The following ANGPT4 variants were observed in gnomAD, a reference collection of about 807,000 sequenced individuals.
The protein encoded by ANGPT4 is angiopoietin 4, also known as angiopoietin-4.
Under a neutral mutation model 53.0 loss-of-function variants are expected in ANGPT4, and 50 were observed. The ratio of observed to expected loss-of-function variants is 0.94; its 90% CI spans 0.75 to 1.20. The LOEUF is 1.20. Ranked by LOEUF, ANGPT4 falls within the 50% of genes most tolerant of loss-of-function variation. The probability of loss-of-function intolerance (pLI) is 0.00; values close to 1 mark genes in which losing one functional copy is unlikely to be tolerated. For missense variants in ANGPT4, 648 were observed against 637.1 expected, an observed-to-expected ratio of 1.02 and a Z score of -0.18; for synonymous variants, 251 against 259.7, an observed-to-expected ratio of 0.97 and a Z score of 0.32.
chr20:885,046 T>C, intron 4 of ANGPT4, 32 bp downstream of exon 4: 1 of 1,612,546 alleles, frequency 6.2e-7, no homozygotes. Context: ...TGCCCGTCTT[T>C]AGCCACACTG....
In ANGPT4 at chr20:911,820, G is replaced by A. The variant is rs187323718; in HGVS notation, c.309+4086C>T. On this transcript the variant is annotated intron_variant, in intron 1 of 8. Transcript: ENST00000381922. This position sits in a 1 kb window ranked among gnomAD's most constrained non-coding sequence, Gnocchi z 4.9. ...AGAGAGTCAGACCTTGTCTTTAGGA[G>A]AGAGACAGAGAGAGGGAGAGAGGGA... Among the ~76,000 whole-genome samples the A allele has an allele frequency of 5.1e-4, 77 of 152,022 alleles. No individual in the cohort carries two copies. Among genetic ancestry groups the A allele is most frequent in the Admixed American group, 4.8e-3 (74 of 15,272 alleles).
In ANGPT4 at chr20:881,220, G is replaced by A; in HGVS notation, c.902C>T (p.Ala301Val). 1 of 1,612,802 alleles carries A rather than the reference G, an allele frequency of 6.2e-7. No individual in the cohort carries two copies. The highest frequency in any genetic ancestry group is 8.5e-7 in the Non-Finnish European group (1 of 1,179,290). Residue 301 changes from alanine (A) to valine (V), a missense_variant, in exon 5 of 9, where the codon GCC becomes GTC. By Grantham distance (64) the Ala-to-Val change is moderately conservative. Transcript: ENST00000381922. The part of the protein sequence containing the change: ...CAEIQRSGAS[A>V]SGVYTIQVSN... ...CACCTGGATGGTGTAGACACCACTGGCACTGGCCCCAGAGCGCTGGATCTC... is the reference window on the plus strand; with the variant it reads ...CACCTGGATGGTGTAGACACCACTGACACTGGCCCCAGAGCGCTGGATCTC...
Position 916,189 on chromosome 20 carries a change from T to C in ANGPT4, c.26A>G (p.Gln9Arg), listed in dbSNP as rs1398528316. ...GGCAACCACAAGGAGGAGGCTGCCCTGCAGCATGGCTAGCTGGGAGAGCAT... is the reference window on the plus strand; with the variant it reads ...GGCAACCACAAGGAGGAGGCTGCCCCGCAGCATGGCTAGCTGGGAGAGCAT... MLSQLAML[Q>R]GSLLLVVATM... Residue 9 changes from glutamine to arginine, a missense_variant, in exon 1 of 9, where the codon CAG becomes CGG. Transcript: ENST00000381922. The C allele has an allele frequency of 6.2e-7, 1 of 1,613,472 alleles. No individual in the cohort carries two copies. The highest frequency in any genetic ancestry group is 8.5e-7 in the Non-Finnish European group (1 of 1,179,572).
intron 1 of ANGPT4, among the ~76,000 whole-genome samples, chr20:899,141 A>G (rs1034433373): frequency 1.3e-5 from 2 of 152,134 alleles, no homozygotes; most frequent in African/African-American, 4.8e-5. Context: ...ACTCCACATT[A>G]CCTACTTTTC....
chr20:885,102 C>G lies in ANGPT4; in HGVS notation c.811G>C (p.Glu271Gln), dbSNP rs1426019461. ...LLVLLRHLVQ[E>Q]RANASAPAFI... ...CCCGGGGCCGAGGCGTTAGCCCTTT[C>G]TTGCACCAGGTGCCGCAACAACACC... Residue 271 changes from glutamate to glutamine, a missense_variant, in exon 4 of 9, where the codon GAA becomes CAA. Physicochemically the swap from Glu to Gln is conservative, Grantham distance 29. Coordinates refer to ENST00000381922, the MANE Select transcript of ANGPT4 (RefSeq NM_015985.4). 1 of 1,613,586 alleles carries G rather than the reference C, an allele frequency of 6.2e-7. No homozygotes were observed. The highest frequency in any genetic ancestry group is 8.5e-7 in the Non-Finnish European group (1 of 1,179,914).
intron 1 of ANGPT4, among the ~76,000 whole-genome samples, chr20:905,152 A>C (rs951947895): frequency 6.6e-6 from 1 of 151,990 alleles, no homozygotes; most frequent in Non-Finnish European, 1.5e-5. Flanking sequence ...GCATTCCCTG[A>C]CCACCCCCAC....
chr20:911,731 C>T lies in ANGPT4; in HGVS notation c.309+4175G>A, dbSNP rs1316803137. 1.3e-5 allele frequency among the ~76,000 whole-genome samples: 2 copies of T among 152,090 alleles called. No homozygotes were observed. The highest frequency in any genetic ancestry group is 2.9e-5 in the Non-Finnish European group (2 of 68,010). ...TTGGAAGACTGAGGCGGGAGGATCG[C>T]TTGAGCTCAGGAGTTCAAGGCTGCA... On this transcript the variant is annotated intron_variant, in intron 1 of 8. Transcript: ENST00000381922. The surrounding 1 kb of genome is among the most constrained non-coding windows in gnomAD (Gnocchi z 4.9).
chr20:901,658 A>C (rs1236626213), intron 1 of ANGPT4, among the ~76,000 whole-genome samples: 1 of 152,230 alleles, frequency 6.6e-6, no homozygotes, highest in Non-Finnish European at 1.5e-5. Context: ...CACACCTGTA[A>C]TCCCATGACT....
rs1409106001 is a variant in ANGPT4, at chr20:869,961, G to A, written c.*2999C>T. Reference sequence around the variant, plus strand: ...AGACGAGGGAGCTCCCCGGGTCAGGGATGCTGAGCTGGGAGGACATGAGCC... The same window carrying A: ...AGACGAGGGAGCTCCCCGGGTCAGGAATGCTGAGCTGGGAGGACATGAGCC... On this transcript the variant is annotated 3_prime_UTR_variant, in exon 9 of 9. Coordinates refer to ENST00000381922, the MANE Select transcript of ANGPT4 (RefSeq NM_015985.4). The A allele has an allele frequency of 6.6e-6, 1 of 152,348 alleles. No individual in the cohort carries two copies. Among genetic ancestry groups the A allele is most frequent in the Non-Finnish European group, 1.5e-5 (1 of 68,142 alleles). 9.4% of individuals were successfully genotyped at this position (152,348 alleles called of 1,614,324 possible).
intron 4 of ANGPT4, among the ~76,000 whole-genome samples, chr20:884,065 T>A (rs530639934): frequency 6.6e-6 from 1 of 152,160 alleles, no homozygotes; most frequent in African/African-American, 2.4e-5. Context: ...CCTTCCACTA[T>A]GGATCCAGGA....
rs541775009 is a variant in ANGPT4, at chr20:872,949, A to G, written c.*11T>C. ...TCTCCTGTGTGGTCCAGCCTCTGGCACAGCTGCTCGTTAGATGTCCAAAGG... is the reference window on the plus strand; with the variant it reads ...TCTCCTGTGTGGTCCAGCCTCTGGCGCAGCTGCTCGTTAGATGTCCAAAGG... On this transcript the variant is annotated 3_prime_UTR_variant, in exon 9 of 9. Coordinates refer to ENST00000381922, the MANE Select transcript of ANGPT4 (RefSeq NM_015985.4). 6.2e-7 allele frequency: 1 copy of G among 1,613,748 alleles called. No homozygotes were observed. Among genetic ancestry groups the G allele is most frequent in the African/African-American group, 1.3e-5 (1 of 75,046 alleles).
intron 3 of ANGPT4, among the ~76,000 whole-genome samples, chr20:887,378 G>A (rs779728215): frequency 5.9e-5 from 9 of 152,184 alleles, no homozygotes; most frequent in Non-Finnish European, 1.3e-4. Context: ...CTTGGGTTGG[G>A]AGAATAAGAA....
chr20:878,190 G>A lies in ANGPT4; in HGVS notation c.1191C>T (p.Phe397=). The A allele has an allele frequency of 6.2e-7, 1 of 1,603,272 alleles. No individual in the cohort carries two copies. Among genetic ancestry groups the A allele is most frequent in the South Asian group, 1.1e-5 (1 of 90,844 alleles). ...GHEAYAQYEH[F]HLGSENQLYR... ...ATAGCTGGTTCTCACTGCCCAGGTG[G>A]AAATGTTCGTACTGGGCATAGGCCT... Residue 397 remains phenylalanine, a synonymous_variant, in exon 7 of 9, where the codon TTC becomes TTT. Transcript: ENST00000381922.
Position 872,900 on chromosome 20 carries a change from G to T in ANGPT4, c.*60C>A. 2.5e-6 allele frequency: 4 copies of T among 1,598,092 alleles called. No individual in the cohort carries two copies. The highest frequency in any genetic ancestry group is 1.1e-5 in the South Asian group (1 of 89,872). On this transcript the variant is annotated 3_prime_UTR_variant, in exon 9 of 9. Transcript: ENST00000381922. ...AGTGTCTTGCATCTGGGTCCAGGTT[G>T]TCCAGGAGTGCCAAGTCCGAGCTTC...
intron 5 of ANGPT4, 61 bp downstream of exon 5, chr20:881,110 G>T: frequency 1.5e-6 from 2 of 1,359,634 alleles, no homozygotes; most frequent in Non-Finnish European, 2.0e-6. Context: ...CGGGGTGTCT[G>T]TTTGGGAAGC....
chr20:878,306 C>A lies in ANGPT4; in HGVS notation c.1075G>T (p.Glu359Ter). Reference protein sequence around the residue: ...YKQGFGDPAGEHWLGNEVVHQ... With the variant: ...YKQGFGDPAG ...ACCACTTCATTGCCCAGCCAGTGCT[C>A]CCCAGCTGGGTCTCCGAAGCCCTAT... is the stretch of plus-strand genomic sequence containing the variant. Residue 359 changes from glutamate to a stop codon, truncating the protein, a stop_gained, in exon 7 of 9, where the codon GAG (glutamate) becomes TAG (stop). Transcript: ENST00000381922. LOFTEE classifies it high-confidence loss of function. The A allele has an allele frequency of 6.2e-7, 1 of 1,606,962 alleles. No homozygotes were observed. The highest frequency in any genetic ancestry group is 1.1e-5 in the South Asian group (1 of 90,862).
intron 4 of ANGPT4, among the ~76,000 whole-genome samples, chr20:884,501 C>T (rs529156721): frequency 6.6e-6 from 1 of 152,316 alleles, no homozygotes; most frequent in Admixed American, 6.5e-5. Flanking sequence ...GCCTTGGACA[C>T]CCCAAGTAGG....
chr20:897,959 T>C (rs1982120811), intron 1 of ANGPT4, among the ~76,000 whole-genome samples: 1 of 152,204 alleles, frequency 6.6e-6, no homozygotes, highest in African/African-American at 2.4e-5. Flanking sequence ...TTCTCCATCT[T>C]ACAAGACCTG....
At chr20:890,403 G>A (rs762695083) in intron 1 of ANGPT4, 35 bp from the exon 2 acceptor site, 1 of 1,579,836 alleles carries the variant, frequency 6.3e-7, no homozygotes, top group Non-Finnish European at 8.6e-7. Context: ...CACGGGGGAG[G>A]GGCGGGGGAA....
Sources: gnomAD v4.1 joint callset for allele counts (sites outside exome capture counted in the v4.1 genomes callset) on GRCh38, gnomAD v4.1.1 for gene constraint, Gnocchi (gnomAD v3.1) non-coding constraint, MANE v1.5 for transcripts, NCBI Gene and HGNC (gene_info 2026-07-23, HGNC 2026-07-21) for gene names.